Variants in NLGN1 observed in about 807,000 individuals in gnomAD.
NLGN1 encodes neuroligin-1.
A neutral mutation model predicts 65.5 loss-of-function variants in NLGN1; 12 were observed. The ratio of observed to expected loss-of-function variants is 0.18; its 90% CI spans 0.12 to 0.30. The LOEUF (loss-of-function observed/expected upper bound fraction) is 0.30. Ranked by LOEUF, NLGN1 falls within the 10% of genes least tolerant of loss-of-function variation. NLGN1 has a pLI of 1.00. For synonymous variants in NLGN1, 350 were observed against 359.5 expected (o/e 0.97, Z 0.30); for missense variants, 750 against 1,007.1 (o/e 0.74, Z 3.46).
At chr3:173,848,002 C>T (rs2150719370) in intron 4 of NLGN1, among the ~76,000 whole-genome samples, 1 of 152,300 alleles carries the variant, frequency 6.6e-6, no homozygotes, top group African/African-American at 2.4e-5. Context: ...CGTTTTCCCT[C>T]TTCTGAGCAT....
intron 2 of NLGN1, among the ~76,000 whole-genome samples, chr3:173,447,893 G>T (rs1720686385): frequency 1.3e-5 from 2 of 152,172 alleles, no homozygotes; most frequent in Admixed American, 1.3e-4. Flanking sequence ...GAATGCTTGT[G>T]ATTTTTGCAC....
intron 3 of NLGN1, among the ~76,000 whole-genome samples, chr3:173,787,341 T>G (rs568652790): frequency 6.5e-4 from 99 of 152,354 alleles, no homozygotes; most frequent in African/African-American, 2.3e-3. Context: ...CATGGCTGTT[T>G]ATCTAAATGT....
chr3:173,709,510 A>G (rs1308879094), intron 3 of NLGN1, among the ~76,000 whole-genome samples: 1 of 152,128 alleles, frequency 6.6e-6, no homozygotes, highest in African/African-American at 2.4e-5. Context: ...CATAAGAAAC[A>G]TCAAGAACCA....
chr3:173,937,737 C>T (rs9809453), intron 4 of NLGN1, among the ~76,000 whole-genome samples: 50,165 of 151,804 alleles, frequency 0.33, 9,090 homozygotes, highest in African/African-American at 0.48. Flanking sequence ...TATATCTCTG[C>T]AAAATGTTGG....
chr3:173,484,960 C>T (rs1727922041), intron 2 of NLGN1, among the ~76,000 whole-genome samples: 1 of 151,656 alleles, frequency 6.6e-6, no homozygotes, highest in Non-Finnish European at 1.5e-5. Context: ...GACTGTTAGT[C>T]TATTTTCACT....
At chr3:173,417,381 G>A (rs746612303) in intron 1 of NLGN1, among the ~76,000 whole-genome samples, 2 of 151,666 alleles carry the variant, frequency 1.3e-5, no homozygotes, top group African/African-American at 2.4e-5. Flanking sequence ...AAATGTCTTG[G>A]TATGTGATAC....
chr3:173,578,052 T>C (rs543862680), intron 2 of NLGN1, among the ~76,000 whole-genome samples: 11 of 152,052 alleles, frequency 7.2e-5, no homozygotes, highest in Middle Eastern at 3.4e-3. Flanking sequence ...CTGGCTAACA[T>C]TGTGAAACCC....
chr3:173,989,648 G>A (rs914105507), intron 4 of NLGN1, among the ~76,000 whole-genome samples: 1 of 152,104 alleles, frequency 6.6e-6, no homozygotes, highest in African/African-American at 2.4e-5. Flanking sequence ...ATTCACAGTG[G>A]CTTAAACTAA....
chr3:174,116,575 T>A (rs1183429217), intron 4 of NLGN1, among the ~76,000 whole-genome samples: 2 of 152,044 alleles, frequency 1.3e-5, no homozygotes, highest in Non-Finnish European at 2.9e-5. Context: ...TGGCCTGAAG[T>A]GATCTGCCTG....
chr3:173,553,748 G>T lies in NLGN1; in HGVS notation c.-320-50531G>T, dbSNP rs141961872. 1.7e-4 allele frequency among the ~76,000 whole-genome samples: 26 copies of T among 152,192 alleles called. No individual in the cohort carries two copies. In the East Asian group the frequency reaches 5.0e-3, roughly 29 times the overall value. ...GTTTAACAACTAATAAGAATAATCA[G>T]CTACACAGCCTGTGCAGATTTAAGA... is the stretch of plus-strand genomic sequence containing the variant. On this transcript the variant is annotated intron_variant, in intron 2 of 6. Coordinates refer to ENST00000457714, the Ensembl canonical transcript of NLGN1.
At chr3:173,557,284 T>G (rs1741871590) in intron 2 of NLGN1, among the ~76,000 whole-genome samples, 1 of 152,202 alleles carries the variant, frequency 6.6e-6, no homozygotes, top group Non-Finnish European at 1.5e-5. Context: ...CCAGATCTCT[T>G]GTAATTAGGG....
At chr3:174,135,008 C>T (rs778662063) in intron 4 of NLGN1, among the ~76,000 whole-genome samples, 18 of 152,092 alleles carry the variant, frequency 1.2e-4, no homozygotes, top group Non-Finnish European at 2.5e-4. Context: ...AAAAAAACCC[C>T]GCAATTTAGT....
intron 3 of NLGN1, among the ~76,000 whole-genome samples, chr3:173,780,242 T>C (rs891847879): frequency 2.6e-5 from 4 of 152,210 alleles, no homozygotes; most frequent in East Asian, 1.9e-4. Flanking sequence ...TGTCACTTGG[T>C]TCATATATTT....
chr3:173,620,372 C>T (rs1021069524), intron 3 of NLGN1, among the ~76,000 whole-genome samples: 1 of 152,074 alleles, frequency 6.6e-6, no homozygotes, highest in Non-Finnish European at 1.5e-5. Context: ...AAGGATGACT[C>T]TAAGATGTCT....
intron 2 of NLGN1, among the ~76,000 whole-genome samples, chr3:173,447,614 G>T (rs1026417231): frequency 7.2e-5 from 11 of 152,182 alleles, no homozygotes; most frequent in Non-Finnish European, 1.5e-4. Context: ...TTGGTAGCTT[G>T]ATGGGGATGG....
At chr3:173,808,035 C>T (rs1717041493) in intron 4 of NLGN1, among the ~76,000 whole-genome samples, 1 of 151,976 alleles carries the variant, frequency 6.6e-6, no homozygotes, top group South Asian at 2.1e-4. Context: ...AAATTATTCA[C>T]ATTGTCATGG....
chr3:173,522,972 G>C (rs1223523153), intron 2 of NLGN1, among the ~76,000 whole-genome samples: 1 of 151,536 alleles, frequency 6.6e-6, no homozygotes, highest in East Asian at 1.9e-4. Context: ...ATTCTTATTG[G>C]TGTAGGGTTA....
chr3:173,442,898 A>G (rs989989693), intron 2 of NLGN1, among the ~76,000 whole-genome samples: 1 of 152,186 alleles, frequency 6.6e-6, no homozygotes, highest in African/African-American at 2.4e-5. Flanking sequence ...TATTACATAT[A>G]TCTTTTAAGT....
intron 3 of NLGN1, among the ~76,000 whole-genome samples, chr3:173,669,386 C>G (rs968108643): frequency 6.6e-6 from 1 of 152,190 alleles, no homozygotes; most frequent in Non-Finnish European, 1.5e-5. Flanking sequence ...GGGCCATGCT[C>G]CCTTTGAATG....
Sources: allele counts gnomAD v4.1 joint callset (sites outside exome capture counted in the v4.1 genomes callset), GRCh38; gene constraint gnomAD v4.1.1; transcripts MANE v1.5; gene names NCBI Gene and HGNC (gene_info 2026-07-23, HGNC 2026-07-21).